The following ACOXL variants were observed in gnomAD, a reference collection of about 807,000 sequenced individuals.
ACOXL encodes acyl-CoA oxidase like.
ACOXL carries 70 observed loss-of-function variants against 71.9 expected under a neutral mutation model. The ratio of observed to expected loss-of-function variants is 0.97; its 90% CI spans 0.80 to 1.19. The LOEUF (loss-of-function observed/expected upper bound fraction) is 1.19. ACOXL is among the 50% of genes most tolerant of loss of function. The pLI, the probability that ACOXL is intolerant of heterozygous loss-of-function variation, is 0.00. For missense variants in ACOXL, 703 were observed against 736.3 expected, an observed-to-expected ratio of 0.95 and a Z score of 0.52; for synonymous variants, 253 against 281.6, an observed-to-expected ratio of 0.90 and a Z score of 1.02.
chr2:111,022,461 A>G (rs1481557683), intron 14 of ACOXL, among the ~76,000 whole-genome samples: 2 of 152,014 alleles, frequency 1.3e-5, no homozygotes, highest in Non-Finnish European at 2.9e-5. Context: ...AGGCACACAC[A>G]AGAAAGAAAG....
chr2:110,994,714 T>C (rs528407769), intron 13 of ACOXL, among the ~76,000 whole-genome samples: 1 of 152,336 alleles, frequency 6.6e-6, no homozygotes, highest in South Asian at 2.1e-4. Flanking sequence ...TCTTAACTCC[T>C]CTGTGCCTCA....
At chr2:110,791,720 T>A (rs931682249) in intron 3 of ACOXL, among the ~76,000 whole-genome samples, 73 of 152,328 alleles carry the variant, frequency 4.8e-4, no homozygotes, top group African/African-American at 1.7e-3. Context: ...GTGTGTTAGC[T>A]GGTCCGAGCT....
At chr2:110,910,606 A>G (rs1239023593) in intron 11 of ACOXL, among the ~76,000 whole-genome samples, 4 of 152,184 alleles carry the variant, frequency 2.6e-5, no homozygotes, top group Admixed American at 2.6e-4. Context: ...CATCCTGACC[A>G]ACATTTGTTT....
chr2:110,927,618 C>T (rs1278479292), intron 11 of ACOXL, among the ~76,000 whole-genome samples: 1 of 152,240 alleles, frequency 6.6e-6, no homozygotes, highest in African/African-American at 2.4e-5. Flanking sequence ...CCCATATAAG[C>T]TTCCTGGAGT....
intron 17 of ACOXL, among the ~76,000 whole-genome samples, chr2:111,106,894 G>C (rs1175739041): frequency 1.3e-5 from 2 of 152,162 alleles, no homozygotes; most frequent in Non-Finnish European, 2.9e-5. Context: ...GTTCCCTAAA[G>C]GGCCTTTACT....
chr2:111,000,099 T>C (rs574465035), intron 14 of ACOXL, among the ~76,000 whole-genome samples: 5 of 152,328 alleles, frequency 3.3e-5, no homozygotes, highest in African/African-American at 1.2e-4. Context: ...AGAAGAGTCC[T>C]AGTAGAAGCC....
At chr2:110,929,966 C>T (rs1011937263) in intron 11 of ACOXL, among the ~76,000 whole-genome samples, 14 of 152,178 alleles carry the variant, frequency 9.2e-5, no homozygotes, top group Admixed American at 6.5e-4. Flanking sequence ...GCGGGGCCCT[C>T]ATGGAGAACC....
intron 9 of ACOXL, among the ~76,000 whole-genome samples, chr2:110,840,788 T>C (rs999643): frequency 0.64 from 97,683 of 151,648 alleles, 32,125 homozygotes; most frequent in South Asian, 0.8. Context: ...ATTTCAGGCT[T>C]GATTTATTTG....
At chr2:110,788,704 C>CTATGT (rs2105214791) in intron 3 of ACOXL, among the ~76,000 whole-genome samples, 1 of 152,354 alleles carries the variant, frequency 6.6e-6, no homozygotes, top group African/African-American at 2.4e-5. Flanking sequence ...CTGTCCCACA[C>CTATGT]ATCAGTAATT....
intron 10 of ACOXL, among the ~76,000 whole-genome samples, chr2:110,906,004 G>A (rs1480241694): frequency 6.6e-6 from 1 of 152,118 alleles, no homozygotes; most frequent in Non-Finnish European, 1.5e-5. Flanking sequence ...GGGTCAAAGA[G>A]GAAATGGCAC....
intron 10 of ACOXL, among the ~76,000 whole-genome samples, chr2:110,899,156 C>T (rs1277412717): frequency 6.6e-6 from 1 of 152,134 alleles, no homozygotes; most frequent in African/African-American, 2.4e-5. Flanking sequence ...CCTATGGGCA[C>T]CCTTTACCTT....
intron 9 of ACOXL, among the ~76,000 whole-genome samples, chr2:110,821,788 T>C (rs1202830388): frequency 1.3e-5 from 2 of 152,230 alleles, no homozygotes; most frequent in East Asian, 3.8e-4. Context: ...AATTACTTCT[T>C]TATGTAAGTA....
intron 10 of ACOXL, among the ~76,000 whole-genome samples, chr2:110,905,531 T>C (rs1458439479): frequency 6.6e-6 from 1 of 152,218 alleles, no homozygotes; most frequent in East Asian, 1.9e-4. Context: ...ACATAGAATG[T>C]CTGTGCTTGG....
chr2:110,908,294 C>T (rs1330869028), intron 10 of ACOXL, among the ~76,000 whole-genome samples: 1 of 152,184 alleles, frequency 6.6e-6, no homozygotes, highest in African/African-American at 2.4e-5. Context: ...ACACCTTTTC[C>T]ACATAGAATT....
At chr2:110,939,718 C>A (rs563366051) in intron 12 of ACOXL, among the ~76,000 whole-genome samples, 9 of 152,318 alleles carry the variant, frequency 5.9e-5, no homozygotes, top group Middle Eastern at 3.4e-3. Context: ...TCATGCAGCC[C>A]TGGATGGCTT....
intron 14 of ACOXL, among the ~76,000 whole-genome samples, chr2:111,001,650 G>A (rs2063635266): frequency 6.6e-6 from 1 of 152,160 alleles, no homozygotes; most frequent in Admixed American, 6.5e-5. Flanking sequence ...GAGTAAGAGT[G>A]TATATAACAG....
At chr2:110,990,600 A>G (rs1486050801) in intron 13 of ACOXL, among the ~76,000 whole-genome samples, 1 of 152,166 alleles carries the variant, frequency 6.6e-6, no homozygotes, top group Non-Finnish European at 1.5e-5. Flanking sequence ...TTTATTTATT[A>G]TGTTAGAGAC....
intron 12 of ACOXL, among the ~76,000 whole-genome samples, chr2:110,959,655 C>G (rs1302214962): frequency 6.6e-6 from 1 of 152,120 alleles, no homozygotes; most frequent in Non-Finnish European, 1.5e-5. Context: ...CTTGAGTCAC[C>G]TCTAGTTGCC....
chr2:110,767,225 G>A (rs960790323), intron 1 of ACOXL, among the ~76,000 whole-genome samples: 1 of 152,164 alleles, frequency 6.6e-6, no homozygotes, highest in African/African-American at 2.4e-5. Context: ...TGGCCAAAGA[G>A]GAACCTCTCC....
Sources: allele counts gnomAD v4.1 joint callset (sites outside exome capture counted in the v4.1 genomes callset), GRCh38; gene constraint gnomAD v4.1.1; transcripts MANE v1.5; gene names NCBI Gene and HGNC (gene_info 2026-07-23, HGNC 2026-07-21).